The following TRAPPC9 variants were observed in gnomAD, a reference collection of about 807,000 sequenced individuals.
The protein encoded by TRAPPC9 is trafficking protein particle complex subunit 9.
In TRAPPC9, 83 loss-of-function variants were observed where a neutral mutation model predicts 124.0. That is an observed-to-expected ratio of 0.67 (90% CI 0.56 to 0.80). The LOEUF is 0.80. TRAPPC9 is among the 30% of genes least tolerant of loss of function. The probability of loss-of-function intolerance (pLI) is 0.00; values close to 1 mark genes in which losing one functional copy is unlikely to be tolerated. For synonymous variants in TRAPPC9, 638 were observed against 617.5 expected (o/e 1.03, Z -0.49); for missense variants, 1,302 against 1,508.3 (o/e 0.86, Z 2.27).
chr8:140,157,043 CT>C (rs34490750), intron 17 of TRAPPC9, among the ~76,000 whole-genome samples: 1,972 of 42,608 alleles, frequency 0.046, 267 homozygotes, highest in African/African-American at 0.085. Context: ...AAAAGCCTCC[CT>C]TTTCCATTCA....
In TRAPPC9 at chr8:140,256,036, A is replaced by G. The variant is rs529591372; in HGVS notation, c.2279-3107T>C. Among the ~76,000 whole-genome samples the G allele has an allele frequency of 7.9e-5, 12 of 152,370 alleles. No individual in the cohort carries two copies. In the East Asian group the frequency reaches 1.5e-3, roughly 20 times the overall value. ...CACCTAAAGTCAAAGAAAGTGAATC[A>G]TATCCAATTATAGCCACTCTAATTA... On this transcript the variant is annotated intron_variant, in intron 15 of 22. Transcript: ENST00000438773.
chr8:140,399,676 G>C (rs1350602873), intron 6 of TRAPPC9, among the ~76,000 whole-genome samples: 1 of 152,186 alleles, frequency 6.6e-6, no homozygotes, highest in Non-Finnish European at 1.5e-5. Context: ...GATTTTATAG[G>C]CTCATAGGCA....
intron 21 of TRAPPC9, among the ~76,000 whole-genome samples, chr8:139,766,185 G>A (rs765846321): frequency 9.9e-5 from 15 of 152,224 alleles, no homozygotes; most frequent in Non-Finnish European, 2.1e-4. Flanking sequence ...ACAGCCTCAG[G>A]CTCCCTCACC....
intron 10 of TRAPPC9, among the ~76,000 whole-genome samples, chr8:140,305,379 C>A (rs967948431): frequency 6.6e-6 from 1 of 152,126 alleles, no homozygotes; most frequent in Admixed American, 6.5e-5. Flanking sequence ...CCGCTCACTG[C>A]AACCTCCGCC....
intron 21 of TRAPPC9, among the ~76,000 whole-genome samples, chr8:139,804,081 G>A (rs1345904709): frequency 3.2e-5 from 4 of 123,280 alleles, no homozygotes; most frequent in Non-Finnish European, 5.2e-5. Context: ...CCACCACCAC[G>A]ACGCACCACC....
chr8:140,049,110 T>C (rs927755362), intron 17 of TRAPPC9, among the ~76,000 whole-genome samples: 2 of 152,102 alleles, frequency 1.3e-5, no homozygotes, highest in African/African-American at 4.8e-5. Flanking sequence ...CCCCATCCCT[T>C]TCATCTCATA....
intron 8 of TRAPPC9, among the ~76,000 whole-genome samples, chr8:140,365,318 C>A (rs373495694): frequency 6.6e-6 from 1 of 152,168 alleles, no homozygotes; most frequent in Non-Finnish European, 1.5e-5. Flanking sequence ...TGTGCTCCCA[C>A]CAGCTGTGCA....
intron 17 of TRAPPC9, among the ~76,000 whole-genome samples, chr8:140,092,291 A>G (rs1427325254): frequency 1.4e-5 from 2 of 146,966 alleles, no homozygotes; most frequent in African/African-American, 5.1e-5. Context: ...TCCACCTCCC[A>G]TGTTCAAGCA....
chr8:139,917,237 G>A (rs1832210962), intron 19 of TRAPPC9, among the ~76,000 whole-genome samples: 1 of 135,688 alleles, frequency 7.4e-6, no homozygotes, highest in Admixed American at 8.0e-5. Flanking sequence ...GCAGTGGCGC[G>A]ATCTCGGCTT....
chr8:140,196,030 C>G (rs1272157343), intron 17 of TRAPPC9, among the ~76,000 whole-genome samples: 1 of 149,658 alleles, frequency 6.7e-6, no homozygotes, highest in African/African-American at 2.5e-5. Context: ...ACAGCTCACA[C>G]CTGTGACACT....
chr8:140,458,288 T>A (rs1022025808), upstream of TRAPPC9: 3 of 1,555,702 alleles, frequency 1.9e-6, no homozygotes, highest in Non-Finnish European at 2.6e-6. Context: ...TACCAGTCCT[T>A]CAGGGCGCGC....
chr8:139,852,758 G>A (rs1388089266), intron 21 of TRAPPC9, among the ~76,000 whole-genome samples: 2 of 152,210 alleles, frequency 1.3e-5, no homozygotes, highest in Non-Finnish European at 2.9e-5. Context: ...AGCTACCTTG[G>A]GCTGGCTGGG....
chr8:139,769,012 G>A (rs1333704584), intron 21 of TRAPPC9, among the ~76,000 whole-genome samples: 1 of 152,212 alleles, frequency 6.6e-6, no homozygotes, highest in African/African-American at 2.4e-5. Flanking sequence ...GAAGAAACCA[G>A]TGCTGCCGAC....
chr8:140,171,886 T>C (rs957021140), intron 17 of TRAPPC9, among the ~76,000 whole-genome samples: 6 of 152,194 alleles, frequency 3.9e-5, no homozygotes, highest in Non-Finnish European at 7.3e-5. Flanking sequence ...CCGAGGGTGC[T>C]AGGGGTCACC....
chr8:140,133,964 C>CA (rs967978474), intron 17 of TRAPPC9, among the ~76,000 whole-genome samples: 1 of 150,540 alleles, frequency 6.6e-6, no homozygotes, highest in African/African-American at 2.4e-5. Flanking sequence ...GTTAAGATGC[C>CA]AATACTACCC....
intron 17 of TRAPPC9, among the ~76,000 whole-genome samples, chr8:140,128,295 AAC>A (rs992429414): frequency 1.3e-5 from 2 of 152,280 alleles, no homozygotes; most frequent in African/African-American, 2.4e-5. Context: ...AAAATACACA[AAC>A]ACACACACAC....
intron 16 of TRAPPC9, among the ~76,000 whole-genome samples, chr8:140,239,721 T>C (rs1240178981): frequency 2.0e-5 from 3 of 152,228 alleles, no homozygotes. Context: ...AGAACCCAAG[T>C]TTCCATGAAA....
chr8:140,309,822 G>A (rs1421928957), intron 10 of TRAPPC9, among the ~76,000 whole-genome samples: 1 of 152,218 alleles, frequency 6.6e-6, no homozygotes. Context: ...CCCTTCCTGG[G>A]CCCTCCAAAC....
At chr8:140,191,395 G>C (rs937646519) in intron 17 of TRAPPC9, among the ~76,000 whole-genome samples, 1 of 152,138 alleles carries the variant, frequency 6.6e-6, no homozygotes, top group South Asian at 2.1e-4. Flanking sequence ...TGTAATCCCC[G>C]GTATTGGAGG....
Sources: allele counts gnomAD v4.1 joint callset (sites outside exome capture counted in the v4.1 genomes callset), GRCh38; gene constraint gnomAD v4.1.1; transcripts MANE v1.5; gene names NCBI Gene and HGNC (gene_info 2026-07-23, HGNC 2026-07-21).